Variants in HSPA4 observed in about 807,000 individuals in gnomAD.
HSPA4 encodes the protein heat shock protein family A (Hsp70) member 4, also known as heat shock 70 kDa protein 4.
In HSPA4, 25 loss-of-function variants were observed where a neutral mutation model predicts 106.2. The ratio of observed to expected loss-of-function variants is 0.24; its 90% CI spans 0.17 to 0.33. The LOEUF is 0.33. HSPA4 is among the 10% of genes least tolerant of loss of function. The pLI is 1.00. For missense variants in HSPA4, 841 were observed against 996.0 expected (o/e 0.84, Z 2.10); for synonymous variants, 332 against 333.6 (o/e 1.00, Z 0.05).
intron 12 of HSPA4, among the ~76,000 whole-genome samples, chr5:133,092,087 A>G (rs1765654329): frequency 6.6e-6 from 1 of 152,184 alleles, no homozygotes; most frequent in Non-Finnish European, 1.5e-5. Context: ...TTTCATCCCC[A>G]CAGATTTTAC....
intron 6 of HSPA4, 72 bp from the exon 7 acceptor site, chr5:133,076,582 C>A: frequency 7.5e-7 from 1 of 1,330,308 alleles, no homozygotes. Flanking sequence ...AACAACTTAC[C>A]AGGTAAATAT....
intron 11 of HSPA4, 175 bp from the exon 12 acceptor site, chr5:133,091,018 G>A (rs746719744): frequency 8.6e-5 from 60 of 700,610 alleles, no homozygotes; most frequent in Middle Eastern, 2.8e-4. Flanking sequence ...TGTGAAAGAA[G>A]AAAGAGAAAT....
intron 7 of HSPA4, among the ~76,000 whole-genome samples, chr5:133,082,551 ACT>A (rs1168208891): frequency 2.6e-5 from 4 of 151,984 alleles, no homozygotes; most frequent in East Asian, 1.9e-4. Flanking sequence ...CTGCAGCCTC[ACT>A]CTCTCGGGTT....
At chr5:133,092,566 A>G in intron 12 of HSPA4, 134 bp from the exon 13 acceptor site, 1 of 671,308 alleles carries the variant, frequency 1.5e-6, no homozygotes, top group Non-Finnish European at 2.7e-6. Context: ...AATGTGGCCT[A>G]CCTGGAATTT....
chr5:133,086,501 T>G (rs1444399213), intron 7 of HSPA4, among the ~76,000 whole-genome samples: 1 of 152,268 alleles, frequency 6.6e-6, no homozygotes, highest in Non-Finnish European at 1.5e-5. Flanking sequence ...ATACCAGTTT[T>G]GTGTGTGAAC....
At chr5:133,055,165 T>C (rs777326192) in intron 1 of HSPA4, among the ~76,000 whole-genome samples, 10 of 152,212 alleles carry the variant, frequency 6.6e-5, no homozygotes, top group Non-Finnish European at 1.2e-4. Context: ...ACATGTTTTC[T>C]TTATATTTTC....
chr5:133,052,188 CG>C lies in HSPA4; in HGVS notation c.-58del, dbSNP rs1765088253. On this transcript the variant is annotated 5_prime_UTR_variant, in exon 1 of 19. Transcript: ENST00000304858. ...CCTGCTTTCCACTCGCTAGCCCCGC[CG>C]GGGGTCCGTGTCCTGTCTCGGTGGC... 1 of 1,158,936 alleles carries C rather than the reference CG, an allele frequency of 8.6e-7. No homozygotes were observed. 71.8% of individuals were successfully genotyped at this position (1,158,936 alleles called of 1,614,324 possible).
intron 1 of HSPA4, among the ~76,000 whole-genome samples, chr5:133,059,828 A>C (rs1765216382): frequency 6.6e-6 from 1 of 152,164 alleles, no homozygotes; most frequent in South Asian, 2.1e-4. Context: ...CTGTAATGAG[A>C]ACTATGAAAC....
At chr5:133,079,265 A>G (rs1000401687) in intron 7 of HSPA4, among the ~76,000 whole-genome samples, 1 of 152,214 alleles carries the variant, frequency 6.6e-6, no homozygotes, top group Non-Finnish European at 1.5e-5. Context: ...ACCCCAGAAT[A>G]AAACTTCATA....
chr5:133,102,913 C>CTTTTTTTTTTTTTTTTT (rs533273263), intron 17 of HSPA4, among the ~76,000 whole-genome samples: 12 of 103,302 alleles, frequency 1.2e-4, no homozygotes, highest in African/African-American at 3.0e-4. Context: ...CTAGGGTTGT[C>CTTTTTTTTTTTTTTTTT]TTTTTTTTTT....
At chr5:133,094,610 GA>G (rs1193756455) in intron 13 of HSPA4, among the ~76,000 whole-genome samples, 2 of 152,208 alleles carry the variant, frequency 1.3e-5, no homozygotes, top group Non-Finnish European at 2.9e-5. Context: ...GAAGGTGGGT[GA>G]AGAGAAGGGA....
At chr5:133,059,828 A>G (rs1765216382) in intron 1 of HSPA4, among the ~76,000 whole-genome samples, 1 of 152,164 alleles carries the variant, frequency 6.6e-6, no homozygotes, top group Non-Finnish European at 1.5e-5. Flanking sequence ...CTGTAATGAG[A>G]ACTATGAAAC....
chr5:133,069,234 A>T (rs1765350596), intron 3 of HSPA4, among the ~76,000 whole-genome samples: 1 of 151,764 alleles, frequency 6.6e-6, no homozygotes, highest in Non-Finnish European at 1.5e-5. Flanking sequence ...AGCTTTGTTC[A>T]TTATTGTTAC....
chr5:133,061,227 A>G (rs1312110796), intron 1 of HSPA4, among the ~76,000 whole-genome samples: 1 of 149,422 alleles, frequency 6.7e-6, no homozygotes, highest in South Asian at 2.1e-4. Context: ...GGTTCACGCC[A>G]TTCTCCTGCC....
intron 6 of HSPA4, chr5:133,075,945 C>G (rs938383324): frequency 1.3e-5 from 2 of 152,174 alleles, no homozygotes; most frequent in Non-Finnish European, 2.9e-5. Flanking sequence ...ATATTTAGCT[C>G]TGTGTCCTGT....
At chr5:133,066,736 C>CTT (rs58483780) in intron 2 of HSPA4, among the ~76,000 whole-genome samples, 33 of 129,434 alleles carry the variant, frequency 2.5e-4, no homozygotes, top group South Asian at 4.9e-4. Context: ...TTTCTTTTTT[C>CTT]TTTTTTTTTT....
chr5:133,070,152 C>G (rs553872758), intron 3 of HSPA4, among the ~76,000 whole-genome samples: 2 of 151,576 alleles, frequency 1.3e-5, no homozygotes, highest in East Asian at 3.9e-4. Context: ...GAGAGAATGA[C>G]AGAGAGAGAG....
In HSPA4 at chr5:133,088,484, A is replaced by C; in HGVS notation, c.1066A>C (p.Lys356Gln). 6.2e-7 allele frequency: 1 copy of C among 1,613,866 alleles called. No homozygotes were observed. The highest frequency in any genetic ancestry group is 1.1e-5 in the South Asian group (1 of 91,076). The change falls in exon 9 of 19, where the codon AAA becomes CAA. Residue 356 changes from lysine (K) to glutamine (Q), a missense_variant. This residue lies in a region of HSPA4 where 162 missense variants were observed against 177.7 expected (regional missense o/e 0.91). Transcript: ENST00000304858. ...RIPAVKEKIS[K>Q]FFGKELSTTL... is the part of the protein sequence containing the mutation. ...CCCTGCGGTAAAAGAGAAGATCAGC[A>C]AATTTTTCGGTAAAGAACTTAGTAC...
intron 7 of HSPA4, among the ~76,000 whole-genome samples, chr5:133,080,814 A>G (rs1187667747): frequency 6.6e-6 from 1 of 151,942 alleles, no homozygotes; most frequent in East Asian, 1.9e-4. Context: ...AGGTCTTTCT[A>G]ATTCTGATTT....
Sources: allele counts gnomAD v4.1 joint callset (sites outside exome capture counted in the v4.1 genomes callset), GRCh38; gene constraint gnomAD v4.1.1; regional missense constraint gnomAD v4.1.1; transcripts MANE v1.5; gene names NCBI Gene and HGNC (gene_info 2026-07-23, HGNC 2026-07-21).